Variants in VWC2L observed in about 807,000 individuals in gnomAD.
The protein encoded by VWC2L is von Willebrand factor C domain containing 2 like.
VWC2L carries 10 observed loss-of-function variants against 21.6 expected under a neutral mutation model. That is an observed-to-expected ratio of 0.46 (90% CI 0.29 to 0.78). The LOEUF is 0.78. VWC2L is among the 30% of genes least tolerant of loss of function. VWC2L has a pLI of 0.10. For missense variants in VWC2L, 209 were observed against 277.1 expected, an observed-to-expected ratio of 0.75 and a Z score of 1.74; for synonymous variants, 96 against 94.3, an observed-to-expected ratio of 1.02 and a Z score of -0.10.
At position 214,472,546 on chromosome 2, in the gene VWC2L, C is replaced by T. The variant is rs191923501; in HGVS notation, c.520+35788C>T. On this transcript the variant is annotated intron_variant, in intron 3 of 3. Transcript: ENST00000312504. ...TATAAAATTTATCATAGTCATGCTT[C>T]TGAATGTTCAACTCATACATGATAA... Among the ~76,000 whole-genome samples, 10 of 152,272 alleles carry T rather than the reference C, an allele frequency of 6.6e-5. No individual in the cohort carries two copies. The East Asian group carries it at 1.7e-3, about 26-fold the overall frequency.
intron 3 of VWC2L, among the ~76,000 whole-genome samples, chr2:214,465,056 A>ACGAATAC (rs1315161795): frequency 1.3e-5 from 2 of 152,016 alleles, no homozygotes; most frequent in African/African-American, 4.8e-5. Flanking sequence ...CTGTCCCAGG[A>ACGAATAC]CGAATACCAA....
At chr2:214,510,445 CA>C (rs1689035453) in intron 3 of VWC2L, among the ~76,000 whole-genome samples, 1 of 152,128 alleles carries the variant, frequency 6.6e-6, no homozygotes, top group Admixed American at 6.6e-5. Context: ...GTTTCTCCCC[CA>C]CATTGTATCA....
chr2:214,485,496 T>G (rs1265339636), intron 3 of VWC2L, among the ~76,000 whole-genome samples: 2 of 152,040 alleles, frequency 1.3e-5, no homozygotes, highest in African/African-American at 4.8e-5. Flanking sequence ...TTCTGAAAAA[T>G]AAGACTAATC....
intron 2 of VWC2L, among the ~76,000 whole-genome samples, chr2:214,430,530 T>C (rs1258048583): frequency 6.6e-6 from 1 of 152,218 alleles, no homozygotes; most frequent in African/African-American, 2.4e-5. Context: ...TTAATGAATA[T>C]GCTGAATTTT....
intron 3 of VWC2L, among the ~76,000 whole-genome samples, chr2:214,488,224 T>C (rs1372650279): frequency 1.3e-5 from 2 of 152,184 alleles, no homozygotes; most frequent in Admixed American, 1.3e-4. Context: ...TAAGTCTATT[T>C]TCTGTAATTC....
intron 3 of VWC2L, among the ~76,000 whole-genome samples, chr2:214,481,917 A>G (rs181368528): frequency 5.3e-5 from 8 of 152,310 alleles, no homozygotes; most frequent in Admixed American, 2.0e-4. Context: ...AATTTTGTAA[A>G]TGTTCTTAGT....
At chr2:214,421,333 G>T (rs1317903449) in intron 2 of VWC2L, among the ~76,000 whole-genome samples, 1 of 152,128 alleles carries the variant, frequency 6.6e-6, no homozygotes, top group Non-Finnish European at 1.5e-5. Flanking sequence ...ATTCCCAAAG[G>T]AGTGAAATAG....
chr2:214,441,593 A>T (rs1308998871), intron 3 of VWC2L, among the ~76,000 whole-genome samples: 5 of 152,052 alleles, frequency 3.3e-5, no homozygotes, highest in African/African-American at 1.2e-4. Context: ...AAATGTTTGT[A>T]TCCCTCAAAG....
intron 2 of VWC2L, among the ~76,000 whole-genome samples, chr2:214,426,703 T>A (rs953973183): frequency 6.6e-5 from 10 of 152,230 alleles, no homozygotes; most frequent in African/African-American, 2.2e-4. Context: ...ACTCTAACTC[T>A]AGGGTTTTCT....
At chr2:214,562,542 G>C (rs921300976) in intron 3 of VWC2L, among the ~76,000 whole-genome samples, 1 of 152,138 alleles carries the variant, frequency 6.6e-6, no homozygotes, top group Non-Finnish European at 1.5e-5. Context: ...GGTATTTCTG[G>C]TTCTAGATCT....
In VWC2L at chr2:214,575,841, T is replaced by A. The variant is rs756812120; in HGVS notation, c.*21T>A. The stretch of plus-strand genomic sequence containing the variant: ...TGTAGGACAAACTTCCACCCAATGA[T>A]GAGTTCTTAGGAAAGGATGCTATGG... On this transcript the variant is annotated 3_prime_UTR_variant, in exon 4 of 4. Coordinates refer to ENST00000312504, the MANE Select transcript of VWC2L (RefSeq NM_001080500.4). 1 of 1,607,414 alleles carries A rather than the reference T, an allele frequency of 6.2e-7. No homozygotes were observed. The highest frequency in any genetic ancestry group is 1.7e-5 in the Admixed American group (1 of 59,836).
At chr2:214,516,238 C>T (rs140584939) in intron 3 of VWC2L, among the ~76,000 whole-genome samples, 1 of 152,220 alleles carries the variant, frequency 6.6e-6, no homozygotes, top group East Asian at 1.9e-4. Context: ...CAACACATCA[C>T]TCTTCTCGGT....
chr2:214,463,425 T>C (rs987303349), intron 3 of VWC2L, among the ~76,000 whole-genome samples: 18 of 152,164 alleles, frequency 1.2e-4, no homozygotes, highest in Non-Finnish European at 2.4e-4. Flanking sequence ...ATCTTTTCCT[T>C]GTATCCTCAT....
chr2:214,540,741 T>C (rs1236494619), intron 3 of VWC2L, among the ~76,000 whole-genome samples: 3 of 152,270 alleles, frequency 2.0e-5, no homozygotes, highest in South Asian at 2.1e-4. Flanking sequence ...CAGACGGCTT[T>C]TCTATTAAAA....
At chr2:214,476,252 A>G (rs1270297769) in intron 3 of VWC2L, among the ~76,000 whole-genome samples, 2 of 152,324 alleles carry the variant, frequency 1.3e-5, no homozygotes, top group East Asian at 3.9e-4. Context: ...ATATTGCATT[A>G]TTGAAATCAA....
At chr2:214,513,448 G>A (rs189646835) in intron 3 of VWC2L, among the ~76,000 whole-genome samples, 88 of 152,190 alleles carry the variant, frequency 5.8e-4, no homozygotes, top group Admixed American at 2.5e-3. Flanking sequence ...TTTACCATTA[G>A]GCTGTTATCA....
chr2:214,461,349 T>C (rs1703137417), intron 3 of VWC2L, among the ~76,000 whole-genome samples: 1 of 152,076 alleles, frequency 6.6e-6, no homozygotes, highest in Non-Finnish European at 1.5e-5. Flanking sequence ...GTAGCAGTGA[T>C]AAAACAACCC....
intron 3 of VWC2L, among the ~76,000 whole-genome samples, chr2:214,567,395 C>T (rs1690078106): frequency 6.6e-6 from 1 of 152,036 alleles, no homozygotes; most frequent in Non-Finnish European, 1.5e-5. Flanking sequence ...ACCACATTGC[C>T]TTCCTGGCCA....
chr2:214,528,562 G>A (rs193043386), intron 3 of VWC2L, among the ~76,000 whole-genome samples: 8 of 151,626 alleles, frequency 5.3e-5, no homozygotes, highest in African/African-American at 1.5e-4. Context: ...TCACATTATC[G>A]CCAGGGAGTA....
Sources: gnomAD v4.1 joint callset for allele counts (sites outside exome capture counted in the v4.1 genomes callset) on GRCh38, gnomAD v4.1.1 for gene constraint, MANE v1.5 for transcripts, NCBI Gene and HGNC (gene_info 2026-07-23, HGNC 2026-07-21) for gene names.